FRMD3: variants seen among roughly 807,000 people sequenced by gnomAD.
The protein encoded by FRMD3 is FERM domain containing 3.
FRMD3 carries 33 observed loss-of-function variants against 70.2 expected under a neutral mutation model. That is an observed-to-expected ratio of 0.47 (90% CI 0.36 to 0.63). The LOEUF is 0.63. Among genes scored for constraint, FRMD3 ranks in the 20% least tolerant of loss-of-function variants. The pLI, the probability that FRMD3 is intolerant of heterozygous loss-of-function variation, is 0.00. For synonymous variants in FRMD3, 279 were observed against 255.9 expected (o/e 1.09, Z -0.86); for missense variants, 632 against 711.4 (o/e 0.89, Z 1.27).
rs7871506 is a variant in FRMD3 at position 83,378,594 on chromosome 9, T to C, written c.253-5639A>G. ...ATACATATAAAATTTATATATACAA[T>C]ATACATATAAAATTTATATATATTA... On this transcript the variant is annotated intron_variant, in intron 2 of 13. Coordinates refer to ENST00000304195, the MANE Select transcript of FRMD3 (RefSeq NM_174938.6). Among the ~76,000 whole-genome samples, 378 of 123,634 alleles carry C rather than the reference T, an allele frequency of 3.1e-3. 2 individuals carry two copies. The highest frequency in any genetic ancestry group is 0.013 in the African/African-American group (358 of 27,912). 81.1% of individuals were successfully genotyped at this position (123,634 alleles called of 152,430 possible).
At chr9:83,520,330 C>T (rs1315838464) in intron 1 of FRMD3, among the ~76,000 whole-genome samples, 1 of 152,150 alleles carries the variant, frequency 6.6e-6, no homozygotes, top group African/African-American at 2.4e-5. Context: ...TATGTATTTG[C>T]TGAAAAATTT....
At chr9:83,357,393 A>C (rs544011753) in intron 3 of FRMD3, among the ~76,000 whole-genome samples, 51 of 149,700 alleles carry the variant, frequency 3.4e-4, no homozygotes, top group Non-Finnish European at 6.4e-4. Flanking sequence ...ATGCGTGTGC[A>C]AGTATCTCTT....
At chr9:83,473,243 C>A (rs915138696) in intron 1 of FRMD3, among the ~76,000 whole-genome samples, 1 of 152,136 alleles carries the variant, frequency 6.6e-6, no homozygotes, top group South Asian at 2.1e-4. Context: ...TCTTCCCAAC[C>A]CCCTGCCTCT....
chr9:83,268,852 T>C (rs1833403681), intron 13 of FRMD3, among the ~76,000 whole-genome samples: 1 of 152,206 alleles, frequency 6.6e-6, no homozygotes, highest in East Asian at 1.9e-4. Flanking sequence ...TAGTTAATTT[T>C]CAACCCTGAA....
chr9:83,453,369 T>TA (rs1228907275), intron 1 of FRMD3, among the ~76,000 whole-genome samples: 4 of 152,026 alleles, frequency 2.6e-5, no homozygotes, highest in Admixed American at 1.3e-4. Flanking sequence ...TCAGAATCAT[T>TA]AAAAAAAATC....
At chr9:83,357,239 ATACATACATATATATATAT>A in intron 3 of FRMD3, among the ~76,000 whole-genome samples, 1 of 20,276 alleles carries the variant, frequency 4.9e-5, no homozygotes, top group South Asian at 2.2e-3. Context: ...TATATATATA[ATACATACATATATATATAT>A]ATATATATAT....
intron 1 of FRMD3, among the ~76,000 whole-genome samples, chr9:83,450,237 A>C (rs1827606513): frequency 6.6e-6 from 1 of 151,710 alleles, no homozygotes; most frequent in Non-Finnish European, 1.5e-5. Context: ...ACAGACACAC[A>C]CACACACATG....
At chr9:83,278,624 G>C (rs547915005) in intron 13 of FRMD3, among the ~76,000 whole-genome samples, 1 of 152,318 alleles carries the variant, frequency 6.6e-6, no homozygotes, top group South Asian at 2.1e-4. Context: ...GCCTGTTCTG[G>C]AAAGAGAACA....
At chr9:83,376,367 T>C (rs570363110) in intron 2 of FRMD3, among the ~76,000 whole-genome samples, 1 of 152,330 alleles carries the variant, frequency 6.6e-6, no homozygotes, top group South Asian at 2.1e-4. Flanking sequence ...GTTCATATTC[T>C]GGATGATTCT....
intron 3 of FRMD3, among the ~76,000 whole-genome samples, chr9:83,354,561 C>T (rs1198156260): frequency 6.6e-6 from 1 of 152,068 alleles, no homozygotes; most frequent in Non-Finnish European, 1.5e-5. Context: ...ATGCTTAGTA[C>T]CTGGGTAACA....
At chr9:83,267,186 G>A in intron 13 of FRMD3, 1 of 1,550,362 alleles carries the variant, frequency 6.5e-7, no homozygotes, top group Middle Eastern at 1.7e-4. Flanking sequence ...ATGGCCCAGG[G>A]CAGCCTTTCC....
intron 1 of FRMD3, among the ~76,000 whole-genome samples, chr9:83,406,712 G>A (rs1016149351): frequency 6.6e-5 from 10 of 152,188 alleles, no homozygotes; most frequent in Non-Finnish European, 1.5e-4. Context: ...TGTTGTCAAC[G>A]GGTCCTTATT....
chr9:83,475,148 G>GA (rs1216432853), intron 1 of FRMD3, among the ~76,000 whole-genome samples: 1 of 151,312 alleles, frequency 6.6e-6, no homozygotes, highest in African/African-American at 2.4e-5. Context: ...GAACCAATAG[G>GA]AAAAAAAAGC....
At position 83,537,410 on chromosome 9, in the gene FRMD3, C is replaced by G. The variant is rs1283154810; in HGVS notation, c.147+675G>C. The stretch of plus-strand genomic sequence containing the variant: ...GCCTCACAATCCCTTTTCCTTTCTC[C>G]GAAACACTCAGACTTCACACATTCC... On this transcript the variant is annotated intron_variant, in intron 1 of 13. Transcript: ENST00000304195. This position sits in a 1 kb window ranked among gnomAD's most constrained non-coding sequence, Gnocchi z 4.1. Among the ~76,000 whole-genome samples, 3 of 152,314 alleles carry G rather than the reference C, an allele frequency of 2.0e-5. No individual in the cohort carries two copies. Among genetic ancestry groups the G allele is most frequent in the African/African-American group, 7.2e-5 (3 of 41,562 alleles).
intron 1 of FRMD3, among the ~76,000 whole-genome samples, chr9:83,536,963 C>A (rs1234740090): frequency 1.8e-5 from 2 of 109,414 alleles, no homozygotes; most frequent in Non-Finnish European, 3.9e-5. Flanking sequence ...AGCTCAGTCC[C>A]AGAGCCTCAA....
chr9:83,479,776 AGGGAGGG>A (rs1564097162), intron 1 of FRMD3, among the ~76,000 whole-genome samples: 3 of 52,306 alleles, frequency 5.7e-5, no homozygotes, highest in Non-Finnish European at 1.1e-4. Flanking sequence ...GGAGGGAGGG[AGGGAGGG>A]AGGGAAGGAA....
rs751255624 is a variant in FRMD3 at position 83,311,954 on chromosome 9, ATGT to A, written c.703_705del (p.Thr235del). On this transcript the variant is annotated inframe_deletion, in exon 8 of 14. Transcript: ENST00000304195. ...AAGCCTGCAGCTGTGAATCCTAAAA[ATGT>A]TGTTGTGCCTGTTGAATCCTGAAAA... 30 of 1,606,676 alleles carry A rather than the reference ATGT, an allele frequency of 1.9e-5. No individual in the cohort carries two copies. Among genetic ancestry groups the A allele is most frequent in the East Asian group, 8.9e-5 (4 of 44,782 alleles).
At chr9:83,481,375 G>C (rs1159203502) in intron 1 of FRMD3, among the ~76,000 whole-genome samples, 1 of 152,178 alleles carries the variant, frequency 6.6e-6, no homozygotes, top group Non-Finnish European at 1.5e-5. Context: ...GACTTCTCCA[G>C]GTAGATTGTT....
In FRMD3 at chr9:83,492,279, A is replaced by G. The variant is rs140888031; in HGVS notation, c.147+45806T>C. 4.9e-4 allele frequency among the ~76,000 whole-genome samples: 74 copies of G among 152,364 alleles called. No individual in the cohort carries two copies. In the East Asian group the frequency reaches 0.013, roughly 28 times the overall value. On this transcript the variant is annotated intron_variant, in intron 1 of 13. Coordinates refer to ENST00000304195, the MANE Select transcript of FRMD3 (RefSeq NM_174938.6). ...CTACACCACGAGGCCTGGCTGATGC[A>G]GAAGTGCTGCATGGAGATGACAATA...
Sources: allele counts gnomAD v4.1 joint callset (sites outside exome capture counted in the v4.1 genomes callset), GRCh38; gene constraint gnomAD v4.1.1; non-coding constraint Gnocchi (gnomAD v3.1); transcripts MANE v1.5; gene names NCBI Gene and HGNC (gene_info 2026-07-23, HGNC 2026-07-21).